DLEU7: variants seen among roughly 807,000 people sequenced by gnomAD.
DLEU7 encodes deleted in lymphocytic leukemia 7.
Under a neutral mutation model 16.0 loss-of-function variants are expected in DLEU7, and 17 were observed. The observed-to-expected ratio is 1.06, with a 90% confidence interval of 0.73 to 1.59. The LOEUF (loss-of-function observed/expected upper bound fraction) is 1.59, where lower values mean the gene tolerates loss of function less well. Ranked by LOEUF, DLEU7 falls within the 40% of genes most tolerant of loss-of-function variation. The probability of loss-of-function intolerance (pLI) is 0.00; values close to 1 mark genes in which losing one functional copy is unlikely to be tolerated. For missense variants in DLEU7, 308 were observed against 314.9 expected (o/e 0.98, Z 0.17); for synonymous variants, 113 against 139.8 (o/e 0.81, Z 1.35).
intron 1 of DLEU7, among the ~76,000 whole-genome samples, chr13:50,773,047 C>T (rs9596355): frequency 3.3e-5 from 5 of 152,134 alleles, no homozygotes; most frequent in African/African-American, 1.2e-4. Context: ...CTTTCTTCCA[C>T]TTGATCGAAT....
In DLEU7 at chr13:50,838,134, A is replaced by G. The variant is rs562230663; in HGVS notation, c.459+5054T>C. Among the ~76,000 whole-genome samples, 19 of 152,338 alleles carry G rather than the reference A, an allele frequency of 1.2e-4. No homozygotes were observed. In the South Asian group the frequency reaches 3.3e-3, roughly 27 times the overall value. On this transcript the variant is annotated intron_variant, in intron 1 of 1. Coordinates refer to ENST00000504404, the MANE Select transcript of DLEU7 (RefSeq NM_001306135.2). ...TTCCTCTGAACAAGTCAATATTCAT[A>G]CTTGCAGTTTGCAATGACTGCGAAG...
chr13:50,808,837 C>A (rs1876475722), intron 1 of DLEU7: 1 of 151,080 alleles, frequency 6.6e-6, no homozygotes, highest in Non-Finnish European at 1.5e-5. Context: ...CTGAGCTTTT[C>A]TGTAAAATCA....
At position 50,721,657 on chromosome 13, in the gene DLEU7, A is replaced by C. The variant is rs183908062; in HGVS notation, c.460-8417T>G. The stretch of plus-strand genomic sequence containing the variant: ...ACAAAGGAAATAAAATTTTTGAAAG[A>C]TGGAGAACAGGTAAAAAGATCAACA... On this transcript the variant is annotated intron_variant, in intron 1 of 1. Coordinates refer to the DLEU7 transcript ENST00000400393. 5.9e-5 allele frequency among the ~76,000 whole-genome samples: 9 copies of C among 152,328 alleles called. No individual in the cohort carries two copies. The East Asian group carries it at 1.7e-3, about 29-fold the overall frequency.
At chr13:50,786,611 C>T (rs1875800699) in intron 1 of DLEU7, among the ~76,000 whole-genome samples, 1 of 152,184 alleles carries the variant, frequency 6.6e-6, no homozygotes, top group Admixed American at 6.5e-5. Flanking sequence ...ACCAGACTTC[C>T]TGAGTGAGAA....
chr13:50,713,469 T>C (rs1873351858), intron 1 of DLEU7, among the ~76,000 whole-genome samples: 1 of 152,184 alleles, frequency 6.6e-6, no homozygotes, highest in Non-Finnish European at 1.5e-5. Context: ...GGAAGAAGAC[T>C]TCTCTATAGC....
intron 1 of DLEU7, among the ~76,000 whole-genome samples, chr13:50,805,588 ATCT>A (rs1162631988): frequency 6.6e-5 from 10 of 152,060 alleles, no homozygotes; most frequent in African/African-American, 2.4e-4. Flanking sequence ...CCTTTTAAAT[ATCT>A]TTTTTATTTA....
intron 1 of DLEU7, among the ~76,000 whole-genome samples, chr13:50,752,052 C>CTTTTTTTTTTTT (rs200928092): frequency 7.4e-5 from 10 of 135,734 alleles, no homozygotes; most frequent in African/African-American, 1.9e-4. Context: ...CTCTTTCAGT[C>CTTTTTTTTTTTT]TTTTTTTTTT....
chr13:50,772,447 G>GT (rs1875347241), intron 1 of DLEU7, among the ~76,000 whole-genome samples: 1 of 152,168 alleles, frequency 6.6e-6, no homozygotes, highest in Admixed American at 6.5e-5. Context: ...AAGAGCTCTT[G>GT]TAAGGCAGGC....
At chr13:50,782,111 T>G (rs1875664939) in intron 1 of DLEU7, among the ~76,000 whole-genome samples, 1 of 152,104 alleles carries the variant, frequency 6.6e-6, no homozygotes, top group Admixed American at 6.5e-5. Context: ...AAGCCTTTCT[T>G]AACACTCTCT....
chr13:50,776,910 CTTGT>C (rs978641564), intron 1 of DLEU7, among the ~76,000 whole-genome samples: 2 of 151,984 alleles, frequency 1.3e-5, no homozygotes, highest in Non-Finnish European at 2.9e-5. Context: ...ATAGGTTTTG[CTTGT>C]TTGTTTGTTT....
At chr13:50,711,776 G>GGGGGT (rs1566225409), downstream of DLEU7, 3 of 118,806 alleles carry the variant, frequency 2.5e-5, no homozygotes, top group African/African-American at 1.1e-4. Flanking sequence ...CAGTGGCGGG[G>GGGGGT]GCGGGGGGCA....
intron 1 of DLEU7, among the ~76,000 whole-genome samples, chr13:50,777,604 G>A (rs1288670909): frequency 6.6e-6 from 1 of 152,162 alleles, no homozygotes; most frequent in Non-Finnish European, 1.5e-5. Context: ...TCCCTTTAGA[G>A]AACACTAATA....
At chr13:50,725,800 T>C (rs1338146035) in intron 1 of DLEU7, among the ~76,000 whole-genome samples, 2 of 152,104 alleles carry the variant, frequency 1.3e-5, no homozygotes, top group Non-Finnish European at 2.9e-5. Context: ...TATTTTTCTG[T>C]ACTACATCAA....
In DLEU7 at chr13:50,823,342, T is replaced by C. The variant is rs2137801858; in HGVS notation, c.638A>G (p.Gln213Arg). The C allele has an allele frequency of 1.3e-6, 2 of 1,535,800 alleles. No homozygotes were observed. Among genetic ancestry groups the C allele is most frequent in the East Asian group, 2.4e-5 (1 of 40,916 alleles). Reference sequence around the variant, plus strand: ...TATGTCTGGGAGATTCTGTAAGATCTGTCTCAAGGAAGCACAGGCTACCAT... The same window carrying C: ...TATGTCTGGGAGATTCTGTAAGATCCGTCTCAAGGAAGCACAGGCTACCAT... ...AHMVACASLRQILQNLPDI is the reference protein window; with the variant it reads ...AHMVACASLRRILQNLPDI The change falls in exon 2 of 2, where the codon CAG becomes CGG. Residue 213 changes from glutamine to arginine, a missense_variant. Physicochemically the swap from Gln to Arg is conservative, Grantham distance 43. Coordinates refer to ENST00000504404, the MANE Select transcript of DLEU7 (RefSeq NM_001306135.2).
At chr13:50,744,321 CTA>C (rs1174728156) in intron 1 of DLEU7, among the ~76,000 whole-genome samples, 14 of 152,174 alleles carry the variant, frequency 9.2e-5, no homozygotes, top group Non-Finnish European at 1.2e-4. Flanking sequence ...GTTACTATCT[CTA>C]TGTTATCTAA....
intron 1 of DLEU7, among the ~76,000 whole-genome samples, chr13:50,835,453 C>T (rs1432559846): frequency 6.6e-6 from 1 of 152,224 alleles, no homozygotes; most frequent in Non-Finnish European, 1.5e-5. Context: ...CATCTTCACA[C>T]TATTTTTCTT....
chr13:50,806,013 C>A (rs1308702252), intron 1 of DLEU7, among the ~76,000 whole-genome samples: 2 of 152,130 alleles, frequency 1.3e-5, no homozygotes, highest in Non-Finnish European at 2.9e-5. Flanking sequence ...ATTGTAAAAA[C>A]CTCCATTTAC....
chr13:50,772,551 C>G (rs577253113), intron 1 of DLEU7, among the ~76,000 whole-genome samples: 3 of 152,256 alleles, frequency 2.0e-5, no homozygotes, highest in Non-Finnish European at 4.4e-5. Flanking sequence ...ATATGAAATT[C>G]TGGGTTGAAT....
intron 1 of DLEU7, among the ~76,000 whole-genome samples, chr13:50,768,687 A>G (rs149461926): frequency 5.9e-5 from 9 of 152,286 alleles, no homozygotes; most frequent in African/African-American, 9.6e-5. Flanking sequence ...TCTATCATTT[A>G]TGGACATTTG....
Sources: allele counts gnomAD v4.1 joint callset (sites outside exome capture counted in the v4.1 genomes callset), GRCh38; gene constraint gnomAD v4.1.1; transcripts MANE v1.5; gene names NCBI Gene and HGNC (gene_info 2026-07-23, HGNC 2026-07-21).